The following ATG10 variants were observed in gnomAD, a reference collection of about 807,000 sequenced individuals.
ATG10 encodes the protein autophagy related 10, also known as ubiquitin-like-conjugating enzyme ATG10.
Under a neutral mutation model 32.1 loss-of-function variants are expected in ATG10, and 30 were observed. That is an observed-to-expected ratio of 0.94 (90% confidence interval 0.70 to 1.27). The LOEUF (loss-of-function observed/expected upper bound fraction) is 1.27, where lower values mean the gene tolerates loss of function less well. Among genes scored for constraint, ATG10 ranks in the 50% most tolerant of loss-of-function variants. The pLI is 0.00. For synonymous variants in ATG10, 87 were observed against 91.5 expected, an observed-to-expected ratio of 0.95 and a Z score of 0.28; for missense variants, 233 against 262.3, an observed-to-expected ratio of 0.89 and a Z score of 0.77.
intron 5 of ATG10, among the ~76,000 whole-genome samples, chr5:82,228,597 A>C (rs1412824839): frequency 2.0e-5 from 3 of 152,224 alleles, no homozygotes; most frequent in African/African-American, 7.2e-5. Flanking sequence ...TATATTTTTT[A>C]AGTGAATGAT....
chr5:82,108,697 T>C (rs577534690), intron 3 of ATG10, among the ~76,000 whole-genome samples: 9 of 152,092 alleles, frequency 5.9e-5, no homozygotes, highest in African/African-American at 1.9e-4. Context: ...TCAGTGTTGA[T>C]AGGAAGGATG....
chr5:82,115,524 G>A (rs1272419671), intron 3 of ATG10, among the ~76,000 whole-genome samples: 1 of 152,038 alleles, frequency 6.6e-6, no homozygotes, highest in Non-Finnish European at 1.5e-5. Flanking sequence ...GCTCCTTGCA[G>A]GTCATACAGT....
At chr5:82,130,655 T>C (rs746678896) in intron 3 of ATG10, among the ~76,000 whole-genome samples, 6 of 152,104 alleles carry the variant, frequency 3.9e-5, no homozygotes, top group Non-Finnish European at 5.9e-5. Flanking sequence ...CTGCTTTGGC[T>C]AGCCCTCCGT....
intron 3 of ATG10, among the ~76,000 whole-genome samples, chr5:82,140,152 A>G (rs1184521112): frequency 8.9e-4 from 87 of 98,288 alleles, no homozygotes; most frequent in Middle Eastern, 8.6e-3. Flanking sequence ...GGAAGTGAGG[A>G]GCCCCTCTGC....
intron 3 of ATG10, among the ~76,000 whole-genome samples, chr5:82,143,697 A>G (rs1375375007): frequency 2.6e-5 from 4 of 152,198 alleles, no homozygotes; most frequent in Non-Finnish European, 4.4e-5. Flanking sequence ...AAATGTAGAA[A>G]AGAGTTTGTT....
intron 3 of ATG10, among the ~76,000 whole-genome samples, chr5:82,114,379 T>C (rs1320348532): frequency 1.3e-5 from 2 of 152,044 alleles, no homozygotes; most frequent in Admixed American, 1.3e-4. Flanking sequence ...TGTCTTCTCA[T>C]CTTCTCTACT....
intron 3 of ATG10, among the ~76,000 whole-genome samples, chr5:82,084,771 C>G (rs1247860245): frequency 1.3e-5 from 2 of 152,120 alleles, no homozygotes; most frequent in Non-Finnish European, 2.9e-5. Context: ...CCATTACAGA[C>G]AAGCAAATGT....
chr5:82,160,227 T>G (rs529315479), intron 3 of ATG10, among the ~76,000 whole-genome samples: 2 of 152,330 alleles, frequency 1.3e-5, no homozygotes, highest in African/African-American at 4.8e-5. Flanking sequence ...GTTTTTGACT[T>G]CAAAAGTGTT....
At chr5:82,161,696 A>AACATACACACAC (rs373400523) in intron 3 of ATG10, among the ~76,000 whole-genome samples, 27 of 129,726 alleles carry the variant, frequency 2.1e-4, no homozygotes, top group Admixed American at 1.9e-3. Flanking sequence ...TTAGAGAATA[A>AACATACACACAC]ACACACACAC....
At chr5:82,245,112 A>G (rs1746972274) in intron 5 of ATG10, among the ~76,000 whole-genome samples, 1 of 152,322 alleles carries the variant, frequency 6.6e-6, no homozygotes, top group East Asian at 1.9e-4. Flanking sequence ...AAATGTCACT[A>G]AAAGGATCCC....
At chr5:82,196,437 A>T (rs896141023) in intron 5 of ATG10, among the ~76,000 whole-genome samples, 2 of 152,158 alleles carry the variant, frequency 1.3e-5, no homozygotes, top group African/African-American at 4.8e-5. Context: ...CTTAGGTATT[A>T]TATCTACAAA....
chr5:82,243,262 G>A (rs748621839), intron 5 of ATG10, among the ~76,000 whole-genome samples: 5 of 151,522 alleles, frequency 3.3e-5, no homozygotes, highest in Non-Finnish European at 7.4e-5. Context: ...AAAAAGAAAA[G>A]GAAAGGAAGA....
chr5:82,248,693 C>T (rs1175594617), intron 5 of ATG10, among the ~76,000 whole-genome samples: 1 of 152,048 alleles, frequency 6.6e-6, no homozygotes, highest in African/African-American at 2.4e-5. Flanking sequence ...AGCTGGAAGT[C>T]CACTTCTGTT....
intron 3 of ATG10, among the ~76,000 whole-genome samples, chr5:82,078,108 A>G (rs1169418592): frequency 2.0e-5 from 3 of 152,134 alleles, no homozygotes; most frequent in African/African-American, 7.2e-5. Context: ...TAATACTGAG[A>G]TTCTATGATT....
intron 5 of ATG10, among the ~76,000 whole-genome samples, chr5:82,246,211 C>G (rs1001609751): frequency 1.3e-5 from 2 of 151,870 alleles, no homozygotes; most frequent in Non-Finnish European, 2.9e-5. Context: ...TCTGGGACTA[C>G]AGGCGCCTGC....
At chr5:82,016,047 A>G (rs1762277113) in intron 2 of ATG10, among the ~76,000 whole-genome samples, 1 of 151,690 alleles carries the variant, frequency 6.6e-6, no homozygotes, top group South Asian at 2.1e-4. Context: ...TTGTCTGTTT[A>G]CTCTGCTGAT....
At chr5:82,148,463 T>C (rs556933780) in intron 3 of ATG10, among the ~76,000 whole-genome samples, 18 of 152,318 alleles carry the variant, frequency 1.2e-4, no homozygotes, top group African/African-American at 3.8e-4. Context: ...GAAATCTGAA[T>C]CTCTCTTAGC....
chr5:82,119,948 T>C (rs1394220752), intron 3 of ATG10, among the ~76,000 whole-genome samples: 1 of 151,730 alleles, frequency 6.6e-6, no homozygotes, highest in Non-Finnish European at 1.5e-5. Context: ...ATAAAAACAC[T>C]TGAAGAATTA....
intron 5 of ATG10, among the ~76,000 whole-genome samples, chr5:82,213,971 C>T (rs886725635): frequency 6.6e-6 from 1 of 152,228 alleles, no homozygotes; most frequent in Admixed American, 6.5e-5. Context: ...ACTAAGGTGA[C>T]TTCTGAGCAA....
Sources: gnomAD v4.1 joint callset for allele counts (sites outside exome capture counted in the v4.1 genomes callset) on GRCh38, gnomAD v4.1.1 for gene constraint, MANE v1.5 for transcripts, NCBI Gene and HGNC (gene_info 2026-07-23, HGNC 2026-07-21) for gene names.